The following FMNL1 variants were observed in gnomAD, a reference collection of about 807,000 sequenced individuals.
FMNL1 encodes formin-like protein 1.
FMNL1 carries 43 observed loss-of-function variants against 121.3 expected under a neutral mutation model. The observed-to-expected ratio is 0.35, with a 90% confidence interval of 0.28 to 0.46. The LOEUF is 0.46. Among genes scored for constraint, FMNL1 ranks in the 20% least tolerant of loss-of-function variants. The pLI is 1.00. For synonymous variants in FMNL1, 613 were observed against 613.5 expected (o/e 1.00, Z 0.01); for missense variants, 1,191 against 1,482.4 (o/e 0.80, Z 3.23).
In FMNL1 at chr17:45,241,024, G is replaced by A. The variant is rs1216714423; in HGVS notation, c.1231-105G>A. ...TTGGCACCTGGGCTGAGCGGATCTG[G>A]GAGCCTCCCCCAGTCTTCCAGGCAG... is the stretch of plus-strand genomic sequence containing the variant. On this transcript the variant is annotated intron_variant, in intron 12 of 26. Transcript: ENST00000331495. This position sits in a 1 kb window ranked among gnomAD's most constrained non-coding sequence, Gnocchi z 7.0. 3.5e-6 allele frequency: 5 copies of A among 1,426,760 alleles called. No homozygotes were observed. The African/African-American group carries it at 5.7e-5, about 16-fold the overall frequency. 88.4% of individuals were successfully genotyped at this position (1,426,760 alleles called of 1,614,324 possible).
At chr17:45,239,822 G>A (rs966173547) in intron 11 of FMNL1, among the ~76,000 whole-genome samples, 1 of 92,946 alleles carries the variant, frequency 1.1e-5, no homozygotes, top group Non-Finnish European at 2.0e-5. Context: ...TTGAGATGGA[G>A]TCTTGCTCTG....
At chr17:45,233,000 CG>C in intron 3 of FMNL1, 1 of 652,006 alleles carries the variant, frequency 1.5e-6, no homozygotes, top group Non-Finnish European at 2.8e-6. Context: ...GCCCATGTAT[CG>C]GGGGTGTGTG....
In FMNL1 at chr17:45,240,600, A is replaced by G; in HGVS notation, c.1205A>G (p.Glu402Gly). ...ETKNAVLEHM[E>G]ELQEQVALLT... ...AAGAACGCTGTGCTGGAGCACATGG[A>G]GGAACTGCAGGAGCAAGTGGCGCTG... The change falls in exon 12 of 27, where the codon GAG (glutamate) becomes GGG (glycine). Residue 402 changes from glutamate (E) to glycine (G), a missense_variant. Physicochemically the swap from Glu to Gly is moderately conservative, Grantham distance 98. This residue lies in a region of FMNL1 where 519 missense variants were observed against 492.8 expected (regional missense o/e 1.05). Coordinates refer to ENST00000331495, the MANE Select transcript of FMNL1 (RefSeq NM_005892.4). 1.2e-6 allele frequency: 2 copies of G among 1,613,688 alleles called. No individual in the cohort carries two copies. The highest frequency in any genetic ancestry group is 1.7e-4 in the Middle Eastern group (1 of 5,888).
rs73321103 is a variant in FMNL1, at chr17:45,231,901, G to A, written c.214-466G>A. Among the ~76,000 whole-genome samples, 1,971 of 152,284 alleles carry A rather than the reference G, an allele frequency of 0.013. 38 individuals carry two copies. Among genetic ancestry groups the A allele is most frequent in the African/African-American group, 0.045 (1,857 of 41,542 alleles). On this transcript the variant is annotated intron_variant, in intron 2 of 26. Transcript: ENST00000331495. The surrounding 1 kb of genome is among the most constrained non-coding windows in gnomAD (Gnocchi z 4.7). ...ACTGAGTTCCTTCCCACCCCAGGGCGGGGCCTACGGCAGGACTGACCCCTG... is the reference window on the plus strand; with the variant it reads ...ACTGAGTTCCTTCCCACCCCAGGGCAGGGCCTACGGCAGGACTGACCCCTG...
At chr17:45,236,079 G>A (rs1471712672) in intron 6 of FMNL1, 57 bp from the exon 7 acceptor site, 1 of 1,441,964 alleles carries the variant, frequency 6.9e-7, no homozygotes, top group East Asian at 2.3e-5. Flanking sequence ...GAGTGGTGGG[G>A]AAACAGGAAG....
In FMNL1 at chr17:45,241,903, C is replaced by A; in HGVS notation, c.1642C>A (p.Leu548Met). ...AGCAGCGCCACCGCCGCCGCCCCCACTGCCCGGCCTCCCCTCCCCGCAGGA... is the reference window on the plus strand; with the variant it reads ...AGCAGCGCCACCGCCGCCGCCCCCAATGCCCGGCCTCCCCTCCCCGCAGGA... ...PGAAPPPPPP[L>M]PGLPSPQEAP... Residue 548 changes from leucine to methionine, a missense_variant, in exon 15 of 27, where the codon CTG (leucine) becomes ATG (methionine). Around this residue, in one of 4 missense-constraint regions of FMNL1, gnomAD observed 519 missense variants for 492.8 expected, o/e 1.05. Coordinates refer to ENST00000331495, the MANE Select transcript of FMNL1 (RefSeq NM_005892.4). The surrounding 1 kb of genome is among the most constrained non-coding windows in gnomAD (Gnocchi z 7.0). 1 of 1,413,736 alleles carries A rather than the reference C, an allele frequency of 7.1e-7. No individual in the cohort carries two copies. The highest frequency in any genetic ancestry group is 3.1e-5 in the Admixed American group (1 of 31,874). 87.6% of individuals were successfully genotyped at this position (1,413,736 alleles called of 1,614,324 possible). A position where few individuals can be genotyped will look rare whatever the true frequency, so the allele number is the denominator to read the frequency against.
At position 45,233,807 on chromosome 17, in the gene FMNL1, C is replaced by T. The variant is rs558293856; in HGVS notation, c.485+76C>T. 6 of 1,571,368 alleles carry T rather than the reference C, an allele frequency of 3.8e-6. No individual in the cohort carries two copies. The highest frequency in any genetic ancestry group is 1.8e-5 in the Admixed American group (1 of 56,468). On this transcript the variant is annotated intron_variant, in intron 5 of 26. Transcript: ENST00000331495. The surrounding 1 kb of genome is among the most constrained non-coding windows in gnomAD (Gnocchi z 4.1). ...CGTCTCCCTGCATCTCACCCACTCC[C>T]CTGGCCAGTTTCAAGCCAGGCAGCC...
At chr17:45,232,221 G>A in intron 2 of FMNL1, 146 bp from the exon 3 acceptor site, 1 of 698,804 alleles carries the variant, frequency 1.4e-6, no homozygotes, top group South Asian at 1.7e-5. Context: ...GACTGTTTGG[G>A]TTTATACCTT....
intron 6 of FMNL1, 144 bp downstream of exon 6, chr17:45,234,344 G>A: frequency 7.2e-7 from 1 of 1,386,492 alleles, no homozygotes; most frequent in Non-Finnish European, 9.9e-7. Flanking sequence ...CTCATACAGA[G>A]TTTGGGACAC....
Position 45,233,993 on chromosome 17 carries a change from C to T in FMNL1, c.486-79C>T. 6.4e-7 allele frequency: 1 copy of T among 1,553,352 alleles called. No homozygotes were observed. The highest frequency in any genetic ancestry group is 8.7e-7 in the Non-Finnish European group (1 of 1,147,858). On this transcript the variant is annotated intron_variant, in intron 5 of 26. Coordinates refer to ENST00000331495, the MANE Select transcript of FMNL1 (RefSeq NM_005892.4). This position sits in a 1 kb window ranked among gnomAD's most constrained non-coding sequence, Gnocchi z 4.1. Reference sequence around the variant, plus strand: ...TCCTTAGTCTCACCTGCAGGTCTGTCTCTCCTTGCGTTTCCTCTGCCCCCT... The same window carrying T: ...TCCTTAGTCTCACCTGCAGGTCTGTTTCTCCTTGCGTTTCCTCTGCCCCCT...
intron 1 of FMNL1, among the ~76,000 whole-genome samples, chr17:45,225,819 T>C (rs931139832): frequency 2.0e-5 from 3 of 152,164 alleles, no homozygotes; most frequent in South Asian, 4.1e-4. Context: ...ACTTAACTTC[T>C]CTGAGCTGTA....
In FMNL1 at chr17:45,247,066, C is replaced by G. The variant is rs2043855278; in HGVS notation, c.*208C>G. The G allele has an allele frequency of 1.6e-6, 1 of 628,434 alleles. No individual in the cohort carries two copies. The highest frequency in any genetic ancestry group is 2.3e-5 in the Admixed American group (1 of 42,772). 38.9% of individuals were successfully genotyped at this position (628,434 alleles called of 1,614,324 possible). ...CCTCAGCTCGGCTGGCCGGGCAGCC[C>G]CTCCTCCGCTGTGGCCCGCCTCAAA... On this transcript the variant is annotated 3_prime_UTR_variant, in exon 27 of 27. Transcript: ENST00000331495.
chr17:45,246,313 T>C lies in FMNL1; in HGVS notation c.3194T>C (p.Ile1065Thr). The C allele has an allele frequency of 6.2e-7, 1 of 1,614,070 alleles. No homozygotes were observed. The highest frequency in any genetic ancestry group is 8.5e-7 in the Non-Finnish European group (1 of 1,179,992). ...TATGAGAGCGACCGTGATGGGGCCA[T>C]TGAAGACATCATCACAGGTAAGGGC... The part of the protein sequence containing the change: ...LIYESDRDGA[I>T]EDIITVIKTV... Residue 1065 changes from isoleucine (I) to threonine (T), a missense_variant, in exon 25 of 27, where the codon ATT becomes ACT. Ile to Thr is a moderately conservative substitution (Grantham distance 89, BLOSUM62 -1). Transcript: ENST00000331495.
rs917169094 is a variant in FMNL1, at chr17:45,229,255, C to T, written c.130-1349C>T. 5.3e-5 allele frequency among the ~76,000 whole-genome samples: 8 copies of T among 152,356 alleles called. No individual in the cohort carries two copies. In the South Asian group the frequency reaches 1.0e-3, roughly 20 times the overall value. ...TTTCACCTCTCCAGCAGGGCCTGGC[C>T]GGAAAGCTTAGGCAATGGAGGCTGA... On this transcript the variant is annotated intron_variant, in intron 1 of 26. Transcript: ENST00000331495.
At chr17:45,226,597 G>C (rs1050891326) in intron 1 of FMNL1, among the ~76,000 whole-genome samples, 1 of 152,214 alleles carries the variant, frequency 6.6e-6, no homozygotes, top group Non-Finnish European at 1.5e-5. Context: ...TTGTGAAATA[G>C]GGATTATAAC....
At position 45,233,377 on chromosome 17, in the gene FMNL1, C is replaced by T; in HGVS notation, c.401+80C>T. ...CAGCTCCTGGAGCTTCCCCTTCCTA[C>T]TCCCCCTGCCCCCTGCACAAGGCTG... is the stretch of plus-strand genomic sequence containing the variant. On this transcript the variant is annotated intron_variant, in intron 4 of 26. Transcript: ENST00000331495. The surrounding 1 kb of genome is among the most constrained non-coding windows in gnomAD (Gnocchi z 4.1). 1.4e-6 allele frequency: 2 copies of T among 1,411,044 alleles called. No homozygotes were observed. The highest frequency in any genetic ancestry group is 9.7e-7 in the Non-Finnish European group (1 of 1,032,640). 87.4% of individuals were successfully genotyped at this position (1,411,044 alleles called of 1,614,324 possible).
chr17:45,235,193 G>A (rs773503631), intron 6 of FMNL1, among the ~76,000 whole-genome samples: 1 of 152,358 alleles, frequency 6.6e-6, no homozygotes, highest in Non-Finnish European at 1.5e-5. Flanking sequence ...CAGGAGACAG[G>A]TCACCCTGCC....
chr17:45,240,877 G>A, intron 12 of FMNL1: 1 of 710,448 alleles, frequency 1.4e-6, no homozygotes, highest in South Asian at 1.9e-5. Flanking sequence ...CAGGTGAACT[G>A]AAATGGGTGC....
In FMNL1 at chr17:45,242,090, C is replaced by T. The variant is rs1472577744; in HGVS notation, c.1829C>T (p.Pro610Leu). Residue 610 changes from proline to leucine, a missense_variant, in exon 15 of 27, where the codon CCG (proline) becomes CTG (leucine). Physicochemically the swap from Pro to Leu is moderately conservative, Grantham distance 98. This residue lies in a region of FMNL1 where 519 missense variants were observed against 492.8 expected (regional missense o/e 1.05). Transcript: ENST00000331495. ...CCTCCGCCGCCGCCGCCGCCGCCGC[C>T]GCCTCCCGGAGGTCCTCCTGATGCC... Reference protein sequence around the residue: ...PVPPPPPPPPPPPGGPPDALG... With the variant: ...PVPPPPPPPPLPPGGPPDALG... 2.6e-6 allele frequency: 4 copies of T among 1,527,290 alleles called. No homozygotes were observed. In the African/African-American group the frequency reaches 5.6e-5, roughly 21 times the overall value. 94.6% of individuals were successfully genotyped at this position (1,527,290 alleles called of 1,614,324 possible). A position where few individuals can be genotyped will look rare whatever the true frequency, so the allele number is the denominator to read the frequency against.
Sources: gnomAD v4.1 joint callset for allele counts (sites outside exome capture counted in the v4.1 genomes callset) on GRCh38, gnomAD v4.1.1 for gene constraint, gnomAD v4.1.1 regional missense constraint, Gnocchi (gnomAD v3.1) non-coding constraint, MANE v1.5 for transcripts, NCBI Gene and HGNC (gene_info 2026-07-23, HGNC 2026-07-21) for gene names.